The following MCM6 variants were observed in gnomAD, a reference collection of about 807,000 sequenced individuals.
MCM6 encodes minichromosome maintenance complex component 6.
MCM6 carries 46 observed loss-of-function variants against 94.3 expected under a neutral mutation model. The observed-to-expected ratio is 0.49, with a 90% confidence interval of 0.39 to 0.62. MCM6 has a LOEUF of 0.62. Among genes scored for constraint, MCM6 ranks in the 20% least tolerant of loss-of-function variants. MCM6 has a pLI of 0.00. For missense variants in MCM6, 865 were observed against 1,017.9 expected (o/e 0.85, Z 2.04); for synonymous variants, 335 against 351.9 (o/e 0.95, Z 0.54).
chr2:135,862,300 AT>A (rs1680010580), intron 8 of MCM6, among the ~76,000 whole-genome samples: 1 of 109,642 alleles, frequency 9.1e-6, no homozygotes, highest in African/African-American at 4.7e-5. Flanking sequence ...TTTTATACAA[AT>A]AATAAAATTT....
In MCM6 at chr2:135,876,316, T is replaced by C. The variant is rs1441410836; in HGVS notation, c.50A>G (p.Glu17Gly). The change falls in exon 1 of 17, where the codon GAG becomes GGG. Residue 17 changes from glutamate to glycine, a missense_variant. By Grantham distance (98) the Glu-to-Gly change is moderately conservative (BLOSUM62 -2). Transcript: ENST00000264156. ...CTTCTCGGCCACCTCGTCGCGGACC[T>C]CCAGGTGCTGGCTGCCGGCGCCCGG... ...AEPGAGSQHL[E>G]VRDEVAEKCQ... is the part of the protein sequence containing the mutation. The C allele has an allele frequency of 5.0e-6, 8 of 1,611,302 alleles. No homozygotes were observed. The highest frequency in any genetic ancestry group is 5.9e-6 in the Non-Finnish European group (7 of 1,179,486).
At chr2:135,855,166 AAAACT>A in intron 11 of MCM6, among the ~76,000 whole-genome samples, 1 of 152,330 alleles carries the variant, frequency 6.6e-6, no homozygotes, top group South Asian at 2.1e-4. Flanking sequence ...AAAACAAAAC[AAAACT>A]AAAGAAAACA....
intron 7 of MCM6, among the ~76,000 whole-genome samples, chr2:135,863,079 T>C (rs1286777823): frequency 2.6e-5 from 4 of 152,224 alleles, no homozygotes; most frequent in Admixed American, 1.3e-4. Context: ...TCCTGATAAA[T>C]GAACTATGTC....
At chr2:135,870,135 T>C (rs531964240) in intron 3 of MCM6, 116 bp downstream of exon 3, 9 of 694,748 alleles carry the variant, frequency 1.3e-5, no homozygotes, top group South Asian at 9.4e-5. Flanking sequence ...ATTTGTATAA[T>C]GTTAAATAGC....
chr2:135,872,672 G>C (rs370602239), intron 2 of MCM6, 25 bp downstream of exon 2: 3 of 1,610,986 alleles, frequency 1.9e-6, no homozygotes, highest in African/African-American at 1.3e-5. Context: ...CCTATTCAAA[G>C]TAAAGAAGAT....
chr2:135,866,073 G>A, intron 6 of MCM6, 59 bp downstream of exon 6: 1 of 1,594,758 alleles, frequency 6.3e-7, no homozygotes, highest in East Asian at 2.2e-5. Context: ...TTGCACTCCA[G>A]CCTGGGTGAC....
At chr2:135,865,794 C>T (rs1211530982) in intron 6 of MCM6, among the ~76,000 whole-genome samples, 2 of 152,008 alleles carry the variant, frequency 1.3e-5, no homozygotes, top group South Asian at 2.1e-4. Flanking sequence ...AACCCCATCC[C>T]GTGCTCTCAA....
chr2:135,856,430 G>A (rs765761665), intron 11 of MCM6, among the ~76,000 whole-genome samples: 1 of 152,194 alleles, frequency 6.6e-6, no homozygotes, highest in African/African-American at 2.4e-5. Context: ...TCTCCAGTGA[G>A]AGGCTGTTTA....
intron 7 of MCM6, 70 bp from the exon 8 acceptor site, chr2:135,862,818 C>A: frequency 6.5e-7 from 1 of 1,537,708 alleles, no homozygotes; most frequent in Non-Finnish European, 8.9e-7. Context: ...TCAGAAGAAA[C>A]AGTAAAGGCA....
chr2:135,863,615 C>G (rs947442889), intron 7 of MCM6, among the ~76,000 whole-genome samples: 1 of 152,026 alleles, frequency 6.6e-6, no homozygotes, highest in East Asian at 1.9e-4. Flanking sequence ...CCTGTAGTCC[C>G]AGCTAATTTC....
rs368892986 is a variant in MCM6, at chr2:135,868,879, C to A, written c.366-19G>T. ...TCGAATCCTGTTTAAAGACAAATGT[C>A]CCATTAGTAAACATTCATCTCTTAA... On this transcript the variant is annotated intron_variant, in intron 3 of 16. Transcript: ENST00000264156. 1 of 1,608,572 alleles carries A rather than the reference C, an allele frequency of 6.2e-7. No homozygotes were observed. The highest frequency in any genetic ancestry group is 1.1e-5 in the South Asian group (1 of 90,916).
At chr2:135,854,728 C>T (rs1222045240) in intron 11 of MCM6, among the ~76,000 whole-genome samples, 1 of 151,716 alleles carries the variant, frequency 6.6e-6, no homozygotes, top group Non-Finnish European at 1.5e-5. Context: ...CAAAAGTCAG[C>T]CAGACACAAT....
Position 135,872,731 on chromosome 2 carries a change from G to A in MCM6, c.220C>T (p.Gln74Ter). Residue 74 changes from glutamine to a stop codon, truncating the protein, a stop_gained, in exon 2 of 17, where the codon CAA becomes TAA. Transcript: ENST00000264156. LOFTEE classifies it high-confidence loss of function. ...SFVDLEQFNQ[Q>*]LSTTIQEEFY... Reference sequence around the variant, plus strand: ...TCCTCTTGAATGGTGGTGGAAAGTTGCTGGTTAAATTGTTCCAGGTCCACA... The same window carrying A: ...TCCTCTTGAATGGTGGTGGAAAGTTACTGGTTAAATTGTTCCAGGTCCACA... 1 of 1,614,112 alleles carries A rather than the reference G, an allele frequency of 6.2e-7. No homozygotes were observed.
At chr2:135,869,416 C>A (rs309812) in intron 3 of MCM6, among the ~76,000 whole-genome samples, 139,367 of 144,070 alleles carry the variant, frequency 0.97, 67,416 homozygotes, top group Non-Finnish European at 0.99. Context: ...AAAAAAAAAA[C>A]AAAAACAGAA....
chr2:135,848,957 C>A (rs993164671), intron 13 of MCM6, among the ~76,000 whole-genome samples: 2 of 152,082 alleles, frequency 1.3e-5, no homozygotes, highest in African/African-American at 4.8e-5. Context: ...AAAGGCTACT[C>A]CCAGTACGAA....
chr2:135,863,938 C>T (rs1415665177), intron 7 of MCM6, among the ~76,000 whole-genome samples: 1 of 152,072 alleles, frequency 6.6e-6, no homozygotes, highest in Non-Finnish European at 1.5e-5. Context: ...TGGCGAAACA[C>T]CATCTCTACT....
chr2:135,854,529 CAAAAAAAAA>C (rs1181597035), intron 11 of MCM6, among the ~76,000 whole-genome samples: 5 of 49,974 alleles, frequency 1.0e-4, no homozygotes, highest in Non-Finnish European at 1.4e-4. Context: ...GACTCCATCT[CAAAAAAAAA>C]AAAAAAAAAA....
Position 135,866,855 on chromosome 2 carries a change from A to G in MCM6, c.616-127T>C, listed in dbSNP as rs913101133. 9 of 669,482 alleles carry G rather than the reference A, an allele frequency of 1.3e-5. No homozygotes were observed. The African/African-American group carries it at 1.6e-4, about 12-fold the overall frequency. 41.5% of individuals were successfully genotyped at this position (669,482 alleles called of 1,614,324 possible). Reference sequence around the variant, plus strand: ...TCTGACCCATTAGCAGACTTTTCACATGTACCAACATTTATCCTAAAAATT... The same window carrying G: ...TCTGACCCATTAGCAGACTTTTCACGTGTACCAACATTTATCCTAAAAATT... On this transcript the variant is annotated intron_variant, in intron 4 of 16. Coordinates refer to ENST00000264156, the MANE Select transcript of MCM6 (RefSeq NM_005915.6).
rs181579190 is a variant in MCM6 at position 135,862,229 on chromosome 2, A to G, written c.1220+378T>C. On this transcript the variant is annotated intron_variant, in intron 8 of 16. Coordinates refer to ENST00000264156, the MANE Select transcript of MCM6 (RefSeq NM_005915.6). ...TGAAATTACAAGTATGTATAATATG[A>G]TTTACAATAATGAAAATACATAATT... Among the ~76,000 whole-genome samples the G allele has an allele frequency of 2.6e-3, 402 of 151,910 alleles. 3 individuals are homozygous for G. Among genetic ancestry groups the G allele is most frequent in the South Asian group, 0.019 (91 of 4,816 alleles).
Sources: gnomAD v4.1 joint callset for allele counts (sites outside exome capture counted in the v4.1 genomes callset) on GRCh38, gnomAD v4.1.1 for gene constraint, MANE v1.5 for transcripts, NCBI Gene and HGNC (gene_info 2026-07-23, HGNC 2026-07-21) for gene names.